NRXN3: variants seen among roughly 807,000 people sequenced by gnomAD.
The protein encoded by NRXN3 is neurexin III.
NRXN3 carries 32 observed loss-of-function variants against 137.6 expected under a neutral mutation model. The observed-to-expected ratio is 0.23, with a 90% CI of 0.18 to 0.31. The LOEUF is 0.31. Ranked by LOEUF, NRXN3 falls within the 10% of genes least tolerant of loss-of-function variation. The probability of loss-of-function intolerance (pLI) is 1.00; values close to 1 mark genes in which losing one functional copy is unlikely to be tolerated. For synonymous variants in NRXN3, 798 were observed against 784.5 expected, an observed-to-expected ratio of 1.02 and a Z score of -0.29; for missense variants, 1,574 against 2,062.5, an observed-to-expected ratio of 0.76 and a Z score of 4.59.
At chr14:78,349,466 C>A (rs1597616965) in intron 4 of NRXN3, among the ~76,000 whole-genome samples, 1 of 152,316 alleles carries the variant, frequency 6.6e-6, no homozygotes, top group East Asian at 1.9e-4. Flanking sequence ...CCCTTTCTTC[C>A]TTTCCGAGTC....
chr14:78,916,154 G>C (rs2099254848), intron 10 of NRXN3, among the ~76,000 whole-genome samples: 1 of 152,044 alleles, frequency 6.6e-6, no homozygotes, highest in African/African-American at 2.4e-5. Flanking sequence ...AACTGGGACT[G>C]TTTTTATCAC....
intron 15 of NRXN3, among the ~76,000 whole-genome samples, chr14:79,454,170 G>A (rs1600539062): frequency 6.6e-6 from 1 of 151,794 alleles, no homozygotes; most frequent in East Asian, 1.9e-4. Flanking sequence ...TGCAACCTCT[G>A]CCTCCCAGGT....
intron 14 of NRXN3, among the ~76,000 whole-genome samples, chr14:78,971,928 A>G (rs1387346488): frequency 6.6e-6 from 1 of 152,170 alleles, no homozygotes; most frequent in African/African-American, 2.4e-5. Context: ...AAAACTTGCT[A>G]ATTTAGTACT....
At chr14:79,589,681 CATT>C (rs2097788239) in intron 16 of NRXN3, among the ~76,000 whole-genome samples, 1 of 151,146 alleles carries the variant, frequency 6.6e-6, no homozygotes, top group African/African-American at 2.4e-5. Context: ...CTGCAGAAGA[CATT>C]ATTGAACAAA....
intron 2 of NRXN3, among the ~76,000 whole-genome samples, chr14:78,248,051 G>A (rs1361010520): frequency 8.5e-5 from 13 of 152,122 alleles, no homozygotes; most frequent in East Asian, 3.8e-4. Context: ...CACATTTTAC[G>A]TTGATTCAGT....
intron 4 of NRXN3, among the ~76,000 whole-genome samples, chr14:78,625,807 G>C: frequency 6.6e-6 from 1 of 152,198 alleles, no homozygotes; most frequent in Non-Finnish European, 1.5e-5. Flanking sequence ...ATGTGTGTGT[G>C]AGGCTCAAGG....
At chr14:79,331,912 A>G (rs1189204633) in intron 15 of NRXN3, among the ~76,000 whole-genome samples, 1 of 151,906 alleles carries the variant, frequency 6.6e-6, no homozygotes, top group Non-Finnish European at 1.5e-5. Context: ...GTCATTGTTG[A>G]GACATTTAGA....
chr14:78,331,615 T>C (rs955390605), intron 4 of NRXN3, among the ~76,000 whole-genome samples: 1 of 151,994 alleles, frequency 6.6e-6, no homozygotes, highest in Non-Finnish European at 1.5e-5. Flanking sequence ...ATCCAGAAAA[T>C]TGTGATTGAA....
chr14:78,343,061 T>C (rs1430264761), intron 4 of NRXN3, among the ~76,000 whole-genome samples: 1 of 152,164 alleles, frequency 6.6e-6, no homozygotes, highest in African/African-American at 2.4e-5. Context: ...AGCAAATTTC[T>C]TGAGCCTCAC....
At chr14:78,734,951 CAGG>C (rs2098534840) in intron 8 of NRXN3, among the ~76,000 whole-genome samples, 1 of 152,094 alleles carries the variant, frequency 6.6e-6, no homozygotes, top group African/African-American at 2.4e-5. Context: ...CAGCTATAAG[CAGG>C]AGAATAACAT....
At chr14:78,851,998 A>G (rs73321607) in intron 10 of NRXN3, among the ~76,000 whole-genome samples, 4,218 of 152,270 alleles carry the variant, frequency 0.028, 215 homozygotes, top group African/African-American at 0.096. Context: ...ATTTATATTC[A>G]GTTCCTTCAA....
At chr14:78,401,313 C>T (rs139249074) in intron 4 of NRXN3, among the ~76,000 whole-genome samples, 146 of 152,140 alleles carry the variant, frequency 9.6e-4, no homozygotes, top group African/African-American at 3.3e-3. Context: ...TACAGGCACC[C>T]GCCACCATGC....
chr14:79,459,647 A>G (rs1239184239), intron 15 of NRXN3, among the ~76,000 whole-genome samples: 1 of 152,068 alleles, frequency 6.6e-6, no homozygotes, highest in East Asian at 1.9e-4. Context: ...AACACAGCAA[A>G]AAATATTTCA....
chr14:79,150,594 T>A (rs943419284), intron 15 of NRXN3, among the ~76,000 whole-genome samples: 3 of 151,920 alleles, frequency 2.0e-5, no homozygotes, highest in Admixed American at 2.0e-4. Flanking sequence ...CATGCATGGT[T>A]GCCATCTGAC....
chr14:78,316,763 A>G (rs953913833), intron 4 of NRXN3, among the ~76,000 whole-genome samples: 1 of 152,220 alleles, frequency 6.6e-6, no homozygotes, highest in African/African-American at 2.4e-5. Flanking sequence ...AGTAACTCAC[A>G]TGATATGACC....
chr14:78,755,822 C>T lies in NRXN3; in HGVS notation c.2044+40683C>T, dbSNP rs533079504. Among the ~76,000 whole-genome samples, 68 of 152,312 alleles carry T rather than the reference C, an allele frequency of 4.5e-4. 1 individual carries two copies. The highest frequency in any genetic ancestry group is 4.6e-4 in the Non-Finnish European group (31 of 68,038). The stretch of plus-strand genomic sequence containing the variant: ...TTGGCATTACCAAAATGAATACTAT[C>T]CTCAGAAAGCTTAAATTATCTGTAT... On this transcript the variant is annotated intron_variant, in intron 8 of 20. Coordinates refer to ENST00000335750, the MANE Select transcript of NRXN3 (RefSeq NM_001330195.2).
chr14:78,355,549 G>T (rs1404389135), intron 4 of NRXN3, among the ~76,000 whole-genome samples: 2 of 152,166 alleles, frequency 1.3e-5, no homozygotes, highest in African/African-American at 4.8e-5. Flanking sequence ...CTGCCAAGTA[G>T]CTGGGATTAT....
At chr14:78,746,336 G>C (rs1365907202) in intron 8 of NRXN3, among the ~76,000 whole-genome samples, 1 of 152,172 alleles carries the variant, frequency 6.6e-6, no homozygotes, top group African/African-American at 2.4e-5. Flanking sequence ...ATCATGTTGG[G>C]TTGCTCTAAG....
intron 4 of NRXN3, among the ~76,000 whole-genome samples, chr14:78,502,160 T>C (rs1180189921): frequency 6.6e-6 from 1 of 152,144 alleles, no homozygotes; most frequent in Non-Finnish European, 1.5e-5. Context: ...TTGAGAGGCC[T>C]GTCCATCTCC....
Sources: gnomAD v4.1 joint callset for allele counts (sites outside exome capture counted in the v4.1 genomes callset) on GRCh38, gnomAD v4.1.1 for gene constraint, MANE v1.5 for transcripts, NCBI Gene and HGNC (gene_info 2026-07-23, HGNC 2026-07-21) for gene names.